ZFHX4: variants seen among roughly 807,000 people sequenced by gnomAD.
ZFHX4 encodes the protein zinc finger homeobox 4.
ZFHX4 carries 56 observed loss-of-function variants against 267.6 expected under a neutral mutation model. The ratio of observed to expected loss-of-function variants is 0.21; its 90% CI spans 0.17 to 0.26. ZFHX4 has a LOEUF of 0.26. Ranked by LOEUF, ZFHX4 falls within the 10% of genes least tolerant of loss-of-function variation. ZFHX4 has a pLI of 1.00. For missense variants in ZFHX4, 4,332 were observed against 4,420.0 expected (o/e 0.98, Z 0.56); for synonymous variants, 1,778 against 1,665.6 (o/e 1.07, Z -1.64).
chr8:76,854,167 A>G lies in ZFHX4; in HGVS notation c.7246A>G (p.Ser2416Gly), dbSNP rs1812634945. Residue 2416 changes from serine (S) to glycine (G), a missense_variant, in exon 10 of 11, where the codon AGT becomes GGT. Physicochemically the swap from Ser to Gly is moderately conservative, Grantham distance 56. Coordinates refer to ENST00000651372, the MANE Select transcript of ZFHX4 (RefSeq NM_024721.5). ...PEYPAEKPKQSDPSPPSQGTK... is the reference protein window; with the variant it reads ...PEYPAEKPKQGDPSPPSQGTK... ...ATATCCCGCAGAAAAGCCAAAGCAG[A>G]GTGACCCCTCTCCCCCTTCTCAAGG... The G allele has an allele frequency of 6.3e-7, 1 of 1,595,992 alleles. No individual in the cohort carries two copies. The highest frequency in any genetic ancestry group is 8.5e-7 in the Non-Finnish European group (1 of 1,171,096).
At position 76,704,948 on chromosome 8, in the gene ZFHX4, T is replaced by A; in HGVS notation, c.860T>A (p.Phe287Tyr). 6.2e-7 allele frequency: 1 copy of A among 1,614,064 alleles called. No individual in the cohort carries two copies. The highest frequency in any genetic ancestry group is 1.1e-5 in the South Asian group (1 of 91,084). Residue 287 changes from phenylalanine (F) to tyrosine (Y), a missense_variant, in exon 2 of 11, where the codon TTT becomes TAT. Phe to Tyr is a conservative substitution (Grantham distance 22). This residue lies in a region of ZFHX4 where 1,195 missense variants were observed against 1,173.6 expected (regional missense o/e 1.02). Coordinates refer to ENST00000651372, the MANE Select transcript of ZFHX4 (RefSeq NM_024721.5). ...VLMCFLCKLSFGYIRSFVTHA... is the reference protein window; with the variant it reads ...VLMCFLCKLSYGYIRSFVTHA... ...ATGTGTTTCTTGTGCAAGTTGTCTT[T>A]TGGTTATATCAGGTCATTTGTAACC...
chr8:76,851,123 A>G lies in ZFHX4; in HGVS notation c.4202A>G (p.His1401Arg). Residue 1401 changes from histidine to arginine, a missense_variant, in exon 10 of 11, where the codon CAT (histidine) becomes CGT (arginine). Physicochemically the swap from His to Arg is conservative, Grantham distance 29. This residue lies in a region of ZFHX4 where 1,371 missense variants were observed against 1,423.1 expected (regional missense o/e 0.96). Transcript: ENST00000651372. ...DRHVYKYRCN[H>R]CSLAFKTMQK... ...CATGTCTACAAGTATCGCTGTAACC[A>G]TTGTAGCTTGGCTTTCAAAACTATG... The G allele has an allele frequency of 1.2e-6, 2 of 1,613,980 alleles. No individual in the cohort carries two copies. The highest frequency in any genetic ancestry group is 1.7e-6 in the Non-Finnish European group (2 of 1,179,878).
intron 3 of ZFHX4, among the ~76,000 whole-genome samples, chr8:76,769,946 G>T (rs2131747573): frequency 6.6e-6 from 1 of 152,216 alleles, no homozygotes; most frequent in East Asian, 1.9e-4. Flanking sequence ...CAGAAACTGT[G>T]GGAGCTGCTG....
At chr8:76,754,493 A>G (rs1266792805) in intron 3 of ZFHX4, among the ~76,000 whole-genome samples, 1 of 131,852 alleles carries the variant, frequency 7.6e-6, no homozygotes, top group East Asian at 2.4e-4. Context: ...TGTCTCAAAA[A>G]AACAAAACAA....
At chr8:76,847,209 C>G (rs1325918884) in intron 6 of ZFHX4, among the ~76,000 whole-genome samples, 1 of 151,954 alleles carries the variant, frequency 6.6e-6, no homozygotes, top group Admixed American at 6.6e-5. Context: ...AAACAATATT[C>G]CAAAGTATAT....
intron 3 of ZFHX4, among the ~76,000 whole-genome samples, chr8:76,766,785 C>T (rs1370427458): frequency 6.6e-6 from 1 of 151,566 alleles, no homozygotes. Flanking sequence ...TTTAAAAGTA[C>T]TTTTTGAATG....
chr8:76,717,770 T>A (rs946327415), intron 3 of ZFHX4, among the ~76,000 whole-genome samples: 1 of 152,030 alleles, frequency 6.6e-6, no homozygotes, highest in Non-Finnish European at 1.5e-5. Context: ...CTAATTTTTG[T>A]ATTTTTTTGA....
At chr8:76,791,777 A>T (rs1170460927) in intron 4 of ZFHX4, among the ~76,000 whole-genome samples, 1 of 152,140 alleles carries the variant, frequency 6.6e-6, no homozygotes, top group Non-Finnish European at 1.5e-5. Flanking sequence ...TGTAACTTTT[A>T]AAATTCTATG....
chr8:76,704,855 T>C lies in ZFHX4; in HGVS notation c.767T>C (p.Val256Ala). 1 of 1,614,178 alleles carries C rather than the reference T, an allele frequency of 6.2e-7. No homozygotes were observed. The highest frequency in any genetic ancestry group is 1.6e-4 in the Middle Eastern group (1 of 6,062). Reference sequence around the variant, plus strand: ...AAAAACTCCTGTGTGTCCAAAGATGTCCCTAACAATGTGGACTTGTCCAAA... The same window carrying C: ...AAAAACTCCTGTGTGTCCAAAGATGCCCCTAACAATGTGGACTTGTCCAAA... ...SAKNSCVSKD[V>A]PNNVDLSKFD... The change falls in exon 2 of 11, where the codon GTC becomes GCC. Residue 256 changes from valine (V) to alanine (A), a missense_variant. This residue lies in a region of ZFHX4 where 1,195 missense variants were observed against 1,173.6 expected (regional missense o/e 1.02). Transcript: ENST00000651372.
chr8:76,866,515 G>T lies in ZFHX4; in HGVS notation c.*1950G>T, dbSNP rs76867872. On this transcript the variant is annotated 3_prime_UTR_variant, in exon 11 of 11. Coordinates refer to ENST00000651372, the MANE Select transcript of ZFHX4 (RefSeq NM_024721.5). The stretch of plus-strand genomic sequence containing the variant: ...ATTTTAATCCTGAAGACACTTTTTT[G>T]ATTGTGTTTCGTAAGAGACAACATG... 4.1e-5 allele frequency: 6 copies of T among 145,972 alleles called. No homozygotes were observed. Among genetic ancestry groups the T allele is most frequent in the Non-Finnish European group, 6.0e-5 (4 of 66,130 alleles). 9.0% of individuals were successfully genotyped at this position (145,972 alleles called of 1,614,324 possible).
At chr8:76,844,673 A>G (rs1053218358) in intron 6 of ZFHX4, among the ~76,000 whole-genome samples, 1 of 152,148 alleles carries the variant, frequency 6.6e-6, no homozygotes, top group Non-Finnish European at 1.5e-5. Context: ...GATATAGACA[A>G]TAGTATAATG....
intron 4 of ZFHX4, among the ~76,000 whole-genome samples, chr8:76,797,838 A>G (rs1054067103): frequency 1.3e-5 from 2 of 151,860 alleles, no homozygotes; most frequent in African/African-American, 2.4e-5. Flanking sequence ...CAGTTTTACT[A>G]AACGTTTGAC....
At chr8:76,697,889 G>A (rs1172899196) in intron 1 of ZFHX4, among the ~76,000 whole-genome samples, 7 of 152,008 alleles carry the variant, frequency 4.6e-5, no homozygotes, top group Non-Finnish European at 2.9e-5. Context: ...GATGATTAAT[G>A]CTGAAGTATG....
chr8:76,748,644 C>T (rs1025173100), intron 3 of ZFHX4, among the ~76,000 whole-genome samples: 1 of 152,076 alleles, frequency 6.6e-6, no homozygotes, highest in Non-Finnish European at 1.5e-5. Context: ...CTATGTTGCC[C>T]AGGTTGGCCT....
chr8:76,854,065 A>C lies in ZFHX4; in HGVS notation c.7144A>C (p.Ser2382Arg), dbSNP rs1048904940. Residue 2382 changes from serine (S) to arginine (R), a missense_variant, in exon 10 of 11, where the codon AGT becomes CGT. Around this residue, in one of 7 missense-constraint regions of ZFHX4, gnomAD observed 1,648 missense variants for 1,625.0 expected, o/e 1.01. Coordinates refer to ENST00000651372, the MANE Select transcript of ZFHX4 (RefSeq NM_024721.5). ...TAAAAACGCTGCTGCCCCTGCAGCA[A>C]GTTCTGGCTCTGGGACCAGCACCCC... ...AAKNAAAPAA[S>R]SGSGTSTPLI... The C allele has an allele frequency of 6.2e-7, 1 of 1,613,978 alleles. No individual in the cohort carries two copies. The highest frequency in any genetic ancestry group is 8.5e-7 in the Non-Finnish European group (1 of 1,179,874).
intron 4 of ZFHX4, among the ~76,000 whole-genome samples, chr8:76,795,169 A>G (rs1810944135): frequency 1.3e-5 from 2 of 152,224 alleles, no homozygotes; most frequent in Non-Finnish European, 2.9e-5. Context: ...AAATCAGTGA[A>G]AGTCTGAGTT....
chr8:76,808,766 A>G (rs181074280), intron 4 of ZFHX4, among the ~76,000 whole-genome samples: 1 of 152,164 alleles, frequency 6.6e-6, no homozygotes, highest in South Asian at 2.1e-4. Flanking sequence ...TCTATAAAAA[A>G]TTGACAGATG....
chr8:76,860,693 A>C (rs919268895), intron 10 of ZFHX4, among the ~76,000 whole-genome samples: 1 of 152,266 alleles, frequency 6.6e-6, no homozygotes, highest in South Asian at 2.1e-4. Context: ...ATATTTTAGC[A>C]ATGCAAGTAA....
At chr8:76,824,492 G>GA (rs1349218090) in intron 4 of ZFHX4, among the ~76,000 whole-genome samples, 6 of 152,052 alleles carry the variant, frequency 3.9e-5, no homozygotes, top group African/African-American at 1.2e-4. Flanking sequence ...CTTTTGCAAG[G>GA]AAAAAAACCT....
Sources: allele counts gnomAD v4.1 joint callset (sites outside exome capture counted in the v4.1 genomes callset), GRCh38; gene constraint gnomAD v4.1.1; regional missense constraint gnomAD v4.1.1; transcripts MANE v1.5; gene names NCBI Gene and HGNC (gene_info 2026-07-23, HGNC 2026-07-21).